CCDC178: variants seen among roughly 807,000 people sequenced by gnomAD.
CCDC178 encodes coiled-coil domain-containing protein 178.
CCDC178 carries 126 observed loss-of-function variants against 117.4 expected under a neutral mutation model. The ratio of observed to expected loss-of-function variants is 1.07; its 90% CI spans 0.93 to 1.24. CCDC178 has a LOEUF of 1.24. CCDC178 is among the 50% of genes most tolerant of loss of function. CCDC178 has a pLI of 0.00. For missense variants in CCDC178, 1,030 were observed against 986.9 expected (o/e 1.04, Z -0.59); for synonymous variants, 283 against 313.4 (o/e 0.90, Z 1.02).
At position 33,245,346 on chromosome 18, in the gene CCDC178, T is replaced by C. The variant is rs779194754; in HGVS notation, c.1492A>G (p.Ile498Val). 6.2e-7 allele frequency: 1 copy of C among 1,608,802 alleles called. No homozygotes were observed. Among genetic ancestry groups the C allele is most frequent in the Non-Finnish European group, 8.5e-7 (1 of 1,177,672 alleles). Residue 498 changes from isoleucine to valine, a missense_variant, in exon 15 of 23, where the codon ATC becomes GTC. Transcript: ENST00000383096. ...KLKNDKHLKN[I>V]YKEAYRIGTL... ...CCAATGCGATAAGCCTCCTTATAGATGTTCTTGAGATGTTTATCATTCTTT... is the reference window on the plus strand; with the variant it reads ...CCAATGCGATAAGCCTCCTTATAGACGTTCTTGAGATGTTTATCATTCTTT...
chr18:33,340,776 G>A (rs2062806919), intron 9 of CCDC178, among the ~76,000 whole-genome samples: 1 of 152,192 alleles, frequency 6.6e-6, no homozygotes, highest in African/African-American at 2.4e-5. Flanking sequence ...AATGAGGTTT[G>A]AGAACCTCCG....
chr18:33,389,140 T>TTAAAA (rs374243149), intron 5 of CCDC178, among the ~76,000 whole-genome samples: 4 of 152,002 alleles, frequency 2.6e-5, no homozygotes, highest in Admixed American at 6.6e-5. Flanking sequence ...ACCCTGGAAC[T>TTAAAA]TAAAATAAAA....
rs1036106391 is a variant in CCDC178 at position 33,320,691 on chromosome 18, C to T, written c.1022+2800G>A. Among the ~76,000 whole-genome samples the T allele has an allele frequency of 2.0e-5, 3 of 152,146 alleles. No individual in the cohort carries two copies. The East Asian group carries it at 5.8e-4, about 29-fold the overall frequency. On this transcript the variant is annotated intron_variant, in intron 11 of 22. Transcript: ENST00000383096. ...AGGTAATTGATAGATTCAATGCCAT[C>T]CCCATCAAGCTACCAATGACTTTCT...
At chr18:33,343,447 G>C (rs1054777752) in intron 9 of CCDC178, among the ~76,000 whole-genome samples, 1 of 152,140 alleles carries the variant, frequency 6.6e-6, no homozygotes, top group African/African-American at 2.4e-5. Context: ...TGGATGGCAA[G>C]GGCTGTCATT....
At chr18:33,074,403 C>T (rs2057167995) in intron 21 of CCDC178, among the ~76,000 whole-genome samples, 1 of 152,074 alleles carries the variant, frequency 6.6e-6, no homozygotes, top group African/African-American at 2.4e-5. Context: ...TTAATTGCAC[C>T]TGTTTATATA....
intron 12 of CCDC178, among the ~76,000 whole-genome samples, chr18:33,277,551 G>A (rs1303162448): frequency 1.3e-5 from 2 of 152,128 alleles, no homozygotes; most frequent in African/African-American, 4.8e-5. Context: ...CTCACAAGCT[G>A]TAATGAAGGT....
chr18:33,295,821 T>C (rs1025603005), intron 11 of CCDC178, among the ~76,000 whole-genome samples: 4 of 152,136 alleles, frequency 2.6e-5, no homozygotes, highest in African/African-American at 9.7e-5. Context: ...CTCTCATACA[T>C]TGCTGGCATT....
intron 3 of CCDC178, among the ~76,000 whole-genome samples, chr18:33,397,975 G>C (rs191356414): frequency 6.6e-6 from 1 of 152,134 alleles, no homozygotes; most frequent in African/African-American, 2.4e-5. Context: ...ACATTAGGAA[G>C]ATAAACATTG....
chr18:33,019,951 A>G (rs1261242152), intron 21 of CCDC178, among the ~76,000 whole-genome samples: 1 of 138,942 alleles, frequency 7.2e-6, no homozygotes, highest in Non-Finnish European at 1.5e-5. Flanking sequence ...TATTATTATT[A>G]TTATTATTAT....
At chr18:33,260,806 C>T (rs1233048965) in intron 14 of CCDC178, among the ~76,000 whole-genome samples, 10 of 151,282 alleles carry the variant, frequency 6.6e-5, no homozygotes, top group Non-Finnish European at 1.5e-4. Context: ...TTTCATAAGG[C>T]TATTAGGCCA....
At chr18:33,247,864 G>A (rs2059569568) in intron 14 of CCDC178, among the ~76,000 whole-genome samples, 1 of 151,900 alleles carries the variant, frequency 6.6e-6, no homozygotes, top group East Asian at 1.9e-4. Flanking sequence ...TATGTGTTAA[G>A]CGACATTCCA....
chr18:32,974,689 G>A lies in CCDC178; in HGVS notation c.2389-8C>T. The stretch of plus-strand genomic sequence containing the variant: ...TCTCTGCAGCTGACAGAGCTAAAGG[G>A]AAGAGGGAGGGGAGAAAACACAAGT... On this transcript the variant is annotated splice_polypyrimidine_tract_variant and splice_region_variant and intron_variant, in intron 21 of 22. Transcript: ENST00000383096. 1 of 1,611,686 alleles carries A rather than the reference G, an allele frequency of 6.2e-7. No individual in the cohort carries two copies. Among genetic ancestry groups the A allele is most frequent in the African/African-American group, 1.3e-5 (1 of 75,036 alleles).
At chr18:33,171,755 C>T (rs1404695652) in intron 20 of CCDC178, among the ~76,000 whole-genome samples, 1 of 152,168 alleles carries the variant, frequency 6.6e-6, no homozygotes. Context: ...GGAAATACTC[C>T]TAAATTGGCT....
intron 14 of CCDC178, among the ~76,000 whole-genome samples, chr18:33,246,900 A>G (rs150919066): frequency 9.9e-5 from 15 of 152,076 alleles, no homozygotes; most frequent in African/African-American, 3.1e-4. Context: ...TCATCTTTGT[A>G]TGATCACTGG....
chr18:33,127,145 T>G (rs780986755), intron 20 of CCDC178, among the ~76,000 whole-genome samples: 18 of 151,966 alleles, frequency 1.2e-4, no homozygotes, highest in Non-Finnish European at 1.0e-4. Flanking sequence ...TTTTTAGATT[T>G]ATTTGCTTTT....
chr18:32,939,303 T>C (rs1437130428), intron 22 of CCDC178, among the ~76,000 whole-genome samples: 1 of 151,802 alleles, frequency 6.6e-6, no homozygotes, highest in Non-Finnish European at 1.5e-5. Context: ...CATTTTCTTC[T>C]AGGAATAGGA....
chr18:33,238,502 G>C (rs10221314), intron 15 of CCDC178, among the ~76,000 whole-genome samples: 127,693 of 151,914 alleles, frequency 0.84, 54,256 homozygotes, highest in South Asian at 0.93. Context: ...TATGGTAAAT[G>C]AAATAAAAAA....
chr18:33,252,184 T>C lies in CCDC178; in HGVS notation c.1410-6756A>G, dbSNP rs1378289173. On this transcript the variant is annotated intron_variant, in intron 14 of 22. Transcript: ENST00000383096. ...GGAAATGACAAAAACAGAGTAAAAC[T>C]ATAAGAGAAGGTGGTTGGTGTAGGA... 1.4e-4 allele frequency among the ~76,000 whole-genome samples: 21 copies of C among 151,596 alleles called. 1 individual carries two copies. The highest frequency in any genetic ancestry group is 1.4e-3 in the Admixed American group (21 of 15,164).
At chr18:32,971,203 G>C (rs909950343) in intron 22 of CCDC178, among the ~76,000 whole-genome samples, 1 of 147,062 alleles carries the variant, frequency 6.8e-6, no homozygotes, top group Non-Finnish European at 1.5e-5. Context: ...GCCCTGGTTT[G>C]TGTTGTTCCC....
Sources: gnomAD v4.1 joint callset for allele counts (sites outside exome capture counted in the v4.1 genomes callset) on GRCh38, gnomAD v4.1.1 for gene constraint, MANE v1.5 for transcripts, NCBI Gene and HGNC (gene_info 2026-07-23, HGNC 2026-07-21) for gene names.